Variants in SKIC3 observed in about 807,000 individuals in gnomAD.
The protein encoded by SKIC3 is SKI3 subunit of superkiller complex, also known as superkiller complex protein 3.
the SKIC3 span, chr5:95,540,560 A>G: frequency 8.5e-7 from 1 of 1,179,448 alleles, no homozygotes; most frequent in South Asian, 1.4e-5. Context: ...AAATGAACAC[A>G]TGAAAAGATG....
the SKIC3 span, chr5:95,523,711 T>C: frequency 6.2e-7 from 1 of 1,613,744 alleles, no homozygotes; most frequent in Non-Finnish European, 8.5e-7. Flanking sequence ...TCAGCATCAG[T>C]GTCATCTAAT....
the SKIC3 span, among the ~76,000 whole-genome samples, chr5:95,518,589 C>T: frequency 6.6e-6 from 1 of 151,978 alleles, no homozygotes; most frequent in Non-Finnish European, 1.5e-5. Context: ...GCTTATTTCA[C>T]TTAACATAAT....
At chr5:95,523,360 T>G in the SKIC3 span, 1 of 1,581,936 alleles carries the variant, frequency 6.3e-7, no homozygotes, top group Non-Finnish European at 8.7e-7. Flanking sequence ...TTAGATATAT[T>G]GAACATTATA....
chr5:95,513,377 A>ATT, the SKIC3 span: 19 of 480,812 alleles, frequency 4.0e-5, no homozygotes, highest in Admixed American at 6.8e-5. Context: ...CTAATTTTTA[A>ATT]TTTTTTTTTT....
At chr5:95,468,722 G>GTAA in the SKIC3 span, among the ~76,000 whole-genome samples, 1 of 152,198 alleles carries the variant, frequency 6.6e-6, no homozygotes, top group East Asian at 1.9e-4. Context: ...GGATCACGTA[G>GTAA]TAAGCACGTT....
the SKIC3 span, among the ~76,000 whole-genome samples, chr5:95,520,152 C>T: frequency 6.6e-6 from 1 of 151,946 alleles, no homozygotes; most frequent in South Asian, 2.1e-4. Context: ...AACACTTTTT[C>T]TGACCTAACC....
chr5:95,542,587 A>G, the SKIC3 span, among the ~76,000 whole-genome samples: 148 of 152,314 alleles, frequency 9.7e-4, 4 homozygotes, highest in East Asian at 0.026. Flanking sequence ...TAAAAGCAGC[A>G]ATTTCTCTAA....
chr5:95,542,350 G>A, the SKIC3 span, among the ~76,000 whole-genome samples: 1 of 152,138 alleles, frequency 6.6e-6, no homozygotes, highest in East Asian at 1.9e-4. Flanking sequence ...TTTGATATAT[G>A]TATTCACTGT....
the SKIC3 span, among the ~76,000 whole-genome samples, chr5:95,526,421 G>A: frequency 5.3e-5 from 8 of 151,712 alleles, no homozygotes; most frequent in East Asian, 1.2e-3. Context: ...GATTCCCAAG[G>A]ATACTTCAGG....
chr5:95,514,444 GA>G, the SKIC3 span, among the ~76,000 whole-genome samples: 11 of 152,234 alleles, frequency 7.2e-5, no homozygotes, highest in Non-Finnish European at 1.5e-4. Flanking sequence ...AGATTTTACA[GA>G]AACATAATAT....
the SKIC3 span, chr5:95,524,552 T>C: frequency 2.7e-5 from 44 of 1,613,682 alleles, no homozygotes; most frequent in Non-Finnish European, 3.5e-5. Context: ...GGTAATGATA[T>C]TCTGCAACTT....
the SKIC3 span, chr5:95,541,833 A>G: frequency 3.1e-6 from 5 of 1,612,216 alleles, no homozygotes; most frequent in Non-Finnish European, 4.2e-6. Flanking sequence ...AAGATCCAGG[A>G]GCTTTTGGTA....
chr5:95,524,480 A>T, the SKIC3 span: 1 of 1,613,278 alleles, frequency 6.2e-7, no homozygotes, highest in Non-Finnish European at 8.5e-7. Context: ...GAAAGTGGGT[A>T]AGAGCCTTTG....
chr5:95,544,513 C>T, the SKIC3 span, among the ~76,000 whole-genome samples: 2 of 152,136 alleles, frequency 1.3e-5, no homozygotes, highest in Non-Finnish European at 2.9e-5. Flanking sequence ...TGTGTGTATG[C>T]CCCAAATTGC....
At chr5:95,501,210 T>C in the SKIC3 span, among the ~76,000 whole-genome samples, 1 of 152,172 alleles carries the variant, frequency 6.6e-6, no homozygotes. Context: ...ATCTACCTAC[T>C]TTAATACTTA....
chr5:95,540,756 T>G, the SKIC3 span: 1 of 1,614,156 alleles, frequency 6.2e-7, no homozygotes, highest in Non-Finnish European at 8.5e-7. Flanking sequence ...ATTTTCTCCA[T>G]AGTTGATGAA....
At chr5:95,484,331 T>C in the SKIC3 span, among the ~76,000 whole-genome samples, 1 of 150,324 alleles carries the variant, frequency 6.7e-6, no homozygotes, top group Admixed American at 6.6e-5. Flanking sequence ...TTAAACAACA[T>C]GCATTCCTCT....
the SKIC3 span, chr5:95,540,578 T>C: frequency 7.2e-7 from 1 of 1,384,530 alleles, no homozygotes; most frequent in South Asian, 1.2e-5. Context: ...ATGTTCAACA[T>C]TACTATGGAA....
chr5:95,500,021 CT>C, the SKIC3 span, among the ~76,000 whole-genome samples: 561 of 148,608 alleles, frequency 3.8e-3, 5 homozygotes, highest in Middle Eastern at 0.017. Context: ...TTTTTAAAAA[CT>C]TTTTTTTTTA....
Sources: gnomAD v4.1 joint callset for allele counts (sites outside exome capture counted in the v4.1 genomes callset) on GRCh38, gnomAD v4.1.1 for gene constraint, MANE v1.5 for transcripts, NCBI Gene and HGNC (gene_info 2026-07-23, HGNC 2026-07-21) for gene names.